TMED10: variants seen among roughly 807,000 people sequenced by gnomAD.
TMED10 encodes the protein transmembrane p24 trafficking protein 10, also known as transmembrane emp24 domain-containing protein 10.
In TMED10, 7 loss-of-function variants were observed where a neutral mutation model predicts 23.1. The ratio of observed to expected loss-of-function variants is 0.30; its 90% CI spans 0.17 to 0.57. TMED10 has a LOEUF of 0.57. Among genes scored for constraint, TMED10 ranks in the 20% least tolerant of loss-of-function variants. The pLI is 0.91. For missense variants in TMED10, 162 were observed against 274.8 expected (o/e 0.59, Z 2.90); for synonymous variants, 113 against 106.9 (o/e 1.06, Z -0.35).
intron 1 of TMED10, among the ~76,000 whole-genome samples, chr14:75,157,168 T>C (rs1303326255): frequency 6.6e-6 from 1 of 152,184 alleles, no homozygotes; most frequent in African/African-American, 2.4e-5. Context: ...AAAAGGCACA[T>C]GCATGAACTG....
chr14:75,160,167 C>T (rs1896069666), intron 1 of TMED10, among the ~76,000 whole-genome samples: 1 of 152,188 alleles, frequency 6.6e-6, no homozygotes, highest in East Asian at 1.9e-4. Flanking sequence ...CATTCTAAAA[C>T]ATCTCACGAT....
chr14:75,136,004 A>G (rs1895744749), intron 3 of TMED10, 118 bp from the exon 4 acceptor site: 1 of 1,394,834 alleles, frequency 7.2e-7, no homozygotes, highest in Non-Finnish European at 9.7e-7. Flanking sequence ...TCTCCTATCA[A>G]TCATCCTAAC....
chr14:75,161,821 A>T (rs1453624931), intron 1 of TMED10, among the ~76,000 whole-genome samples: 10 of 136,958 alleles, frequency 7.3e-5, no homozygotes, highest in African/African-American at 2.4e-4. Flanking sequence ...AACTGCATTT[A>T]AAAAAAAAAA....
At chr14:75,175,860 A>G (rs80057394) in intron 1 of TMED10, 4,109 of 162,356 alleles carry the variant, frequency 0.025, 181 homozygotes, top group African/African-American at 0.092. Context: ...CCTACTTCAT[A>G]GGGTAGTGCA....
At chr14:75,153,312 T>C (rs1895978202) in intron 1 of TMED10, among the ~76,000 whole-genome samples, 1 of 150,556 alleles carries the variant, frequency 6.6e-6, no homozygotes, top group Non-Finnish European at 1.5e-5. Flanking sequence ...GAGAAATTTA[T>C]CCTAAAAAAA....
chr14:75,145,762 G>A (rs2139838497), intron 3 of TMED10, among the ~76,000 whole-genome samples: 1 of 152,254 alleles, frequency 6.6e-6, no homozygotes, highest in South Asian at 2.1e-4. Flanking sequence ...ACTCCAGCCT[G>A]GGCAACCAAG....
intron 2 of TMED10, among the ~76,000 whole-genome samples, chr14:75,148,884 G>T (rs1245085755): frequency 2.6e-5 from 4 of 152,212 alleles, no homozygotes; most frequent in African/African-American, 4.8e-5. Context: ...ACAGTGTTGA[G>T]AGGTAAAACC....
rs892921310 is a variant in TMED10 at position 75,135,541 on chromosome 14, T to C, written c.538+219A>G. ...TCAGTTTGATGTGGGTATAGACTAA[T>C]TGAGGATGTTGTCACCTGCCTATCA... On this transcript the variant is annotated intron_variant, in intron 4 of 4. Coordinates refer to ENST00000303575, the MANE Select transcript of TMED10 (RefSeq NM_006827.6). 12 of 539,996 alleles carry C rather than the reference T, an allele frequency of 2.2e-5. No individual in the cohort carries two copies. In the East Asian group the frequency reaches 3.4e-4, roughly 15 times the overall value. 33.5% of individuals were successfully genotyped at this position (539,996 alleles called of 1,614,324 possible).
chr14:75,135,034 A>T (rs12435391), intron 4 of TMED10, 28 bp from the exon 5 acceptor site: 1 of 1,612,418 alleles, frequency 6.2e-7, no homozygotes, highest in Non-Finnish European at 8.5e-7. Context: ...CATTGTAAAC[A>T]TAATGAAGTG....
intron 1 of TMED10, among the ~76,000 whole-genome samples, chr14:75,157,659 C>G (rs887910084): frequency 6.7e-6 from 1 of 149,508 alleles, no homozygotes; most frequent in Non-Finnish European, 1.5e-5. Flanking sequence ...CAATAAATAG[C>G]CAGGTGCAGT....
rs758185921 is a variant in TMED10, at chr14:75,163,552, C to CAA, written c.226-11411_226-11410dup. Among the ~76,000 whole-genome samples the CAA allele has an allele frequency of 4.4e-3, 270 of 60,748 alleles. 4 individuals carry two copies. The highest frequency in any genetic ancestry group is 0.013 in the South Asian group (17 of 1,290). 39.9% of individuals were successfully genotyped at this position (60,748 alleles called of 152,430 possible). A position where few individuals can be genotyped will look rare whatever the true frequency, so the allele number is the denominator to read the frequency against. On this transcript the variant is annotated intron_variant, in intron 1 of 4. Coordinates refer to ENST00000303575, the MANE Select transcript of TMED10 (RefSeq NM_006827.6). Reference sequence around the variant, plus strand: ...TGGGCGACAGAGTGAGACTCCGTATCAAAAAAAAAAAAAAAAAAAAAAAAA... The same window carrying CAA: ...TGGGCGACAGAGTGAGACTCCGTATCAAAAAAAAAAAAAAAAAAAAAAAAAAA...
chr14:75,175,086 A>G (rs1331009747), intron 1 of TMED10, among the ~76,000 whole-genome samples: 1 of 151,950 alleles, frequency 6.6e-6, no homozygotes, highest in African/African-American at 2.4e-5. Flanking sequence ...TCTATTTAGT[A>G]TAACAAAAGC....
chr14:75,152,803 C>T (rs1459932802), intron 1 of TMED10, among the ~76,000 whole-genome samples: 1 of 151,174 alleles, frequency 6.6e-6, no homozygotes, highest in Non-Finnish European at 1.5e-5. Flanking sequence ...AACGCCAAGG[C>T]AGGAGGATCA....
chr14:75,165,222 GTTCT>G (rs1271031681), intron 1 of TMED10, among the ~76,000 whole-genome samples: 1 of 151,972 alleles, frequency 6.6e-6, no homozygotes, highest in East Asian at 1.9e-4. Context: ...TCAGAAACAT[GTTCT>G]TTTTCTTTCT....
At chr14:75,169,699 A>T (rs1346910599) in intron 1 of TMED10, among the ~76,000 whole-genome samples, 1 of 152,160 alleles carries the variant, frequency 6.6e-6, no homozygotes, top group Non-Finnish European at 1.5e-5. Context: ...ACCAAATGCT[A>T]AGCTCAGCTG....
intron 2 of TMED10, 129 bp downstream of exon 2, chr14:75,151,903 A>C: frequency 1.3e-6 from 1 of 784,054 alleles, no homozygotes; most frequent in South Asian, 2.0e-5. Flanking sequence ...AAAGACTACA[A>C]GGTAACAGGT....
intron 1 of TMED10, among the ~76,000 whole-genome samples, chr14:75,154,066 C>T (rs1455840499): frequency 4.6e-5 from 7 of 150,706 alleles, no homozygotes; most frequent in African/African-American, 7.3e-5. Context: ...CCACCACACC[C>T]GGCCTTTTTT....
At chr14:75,157,894 C>T (rs953636073) in intron 1 of TMED10, among the ~76,000 whole-genome samples, 4 of 151,266 alleles carry the variant, frequency 2.6e-5, no homozygotes, top group African/African-American at 7.3e-5. Context: ...GAGCTGAGAT[C>T]GCACCACTGC....
At chr14:75,176,293 G>T (rs1256617743) in intron 1 of TMED10, 62 bp downstream of exon 1, 8 of 1,595,424 alleles carry the variant, frequency 5.0e-6, no homozygotes, top group Admixed American at 3.4e-5. Flanking sequence ...CCCCGAACCC[G>T]AGCCTCCCCT....
Sources: gnomAD v4.1 joint callset for allele counts (sites outside exome capture counted in the v4.1 genomes callset) on GRCh38, gnomAD v4.1.1 for gene constraint, MANE v1.5 for transcripts, NCBI Gene and HGNC (gene_info 2026-07-23, HGNC 2026-07-21) for gene names.